MGAT5: variants seen among roughly 807,000 people sequenced by gnomAD.
The protein encoded by MGAT5 is alpha-1,6-mannosylglycoprotein 6-beta-N-acetylglucosaminyltransferase, also known as alpha-1,6-mannosylglycoprotein 6-beta-N-acetylglucosaminyltransferase A.
MGAT5 carries 30 observed loss-of-function variants against 94.3 expected under a neutral mutation model. The observed-to-expected ratio is 0.32, with a 90% CI of 0.24 to 0.43. The LOEUF is 0.43. Among genes scored for constraint, MGAT5 ranks in the 20% least tolerant of loss-of-function variants. The pLI is 1.00. For synonymous variants in MGAT5, 310 were observed against 322.9 expected (o/e 0.96, Z 0.43); for missense variants, 691 against 905.5 (o/e 0.76, Z 3.04).
chr2:134,169,387 T>TACACACAC (rs61268974), intron 1 of MGAT5, among the ~76,000 whole-genome samples: 1,718 of 138,700 alleles, frequency 0.012, 32 homozygotes, highest in African/African-American at 0.035. Context: ...AATTTAAAAA[T>TACACACAC]ACACACACAC....
chr2:134,334,358 A>T (rs1688203933), intron 4 of MGAT5, among the ~76,000 whole-genome samples: 1 of 151,950 alleles, frequency 6.6e-6, no homozygotes, highest in Non-Finnish European at 1.5e-5. Flanking sequence ...CTCTCCTCTT[A>T]GTTGATTTTC....
At chr2:134,392,006 C>G (rs891419369) in intron 10 of MGAT5, among the ~76,000 whole-genome samples, 1 of 152,138 alleles carries the variant, frequency 6.6e-6, no homozygotes, top group Non-Finnish European at 1.5e-5. Context: ...TTCTTATAGA[C>G]ACACCTCTCT....
At chr2:134,313,037 AACACAC>A (rs201311442) in intron 2 of MGAT5, among the ~76,000 whole-genome samples, 2,226 of 139,232 alleles carry the variant, frequency 0.016, 57 homozygotes, top group African/African-American at 0.054. Context: ...GCAAGAAATA[AACACAC>A]ACACACACAC....
intron 1 of MGAT5, among the ~76,000 whole-genome samples, chr2:134,141,583 T>G (rs1469471103): frequency 6.6e-6 from 1 of 152,060 alleles, no homozygotes; most frequent in African/African-American, 2.4e-5. Flanking sequence ...GCTTACAGCC[T>G]AATGAGGAAA....
In MGAT5 at chr2:134,346,467, T is replaced by TTTGTG. The variant is rs554426824; in HGVS notation, c.1112+1404_1112+1408dup. Among the ~76,000 whole-genome samples, 501 of 152,272 alleles carry TTTGTG rather than the reference T, an allele frequency of 3.3e-3. 7 individuals carry two copies. The highest frequency in any genetic ancestry group is 0.012 in the African/African-American group (482 of 41,564). ...CTGTTAGTGCTTTAGCTCTGCAGTC[T>TTTGTG]TTGTGGTATGGTGAAGCAAAGATTC... On this transcript the variant is annotated intron_variant, in intron 8 of 15. Coordinates refer to ENST00000281923, the MANE Select transcript of MGAT5 (RefSeq NM_002410.5).
intron 14 of MGAT5, among the ~76,000 whole-genome samples, chr2:134,435,811 T>C (rs558697722): frequency 3.3e-5 from 5 of 152,330 alleles, no homozygotes; most frequent in Admixed American, 1.3e-4. Context: ...TGAGTACTTA[T>C]GATAAGGAGA....
chr2:134,381,425 G>A (rs959954542), intron 10 of MGAT5, among the ~76,000 whole-genome samples: 6 of 146,496 alleles, frequency 4.1e-5, no homozygotes, highest in African/African-American at 1.5e-4. Flanking sequence ...TAGATAGATA[G>A]ATAGATAGCC....
chr2:134,121,078 C>G lies in MGAT5; in HGVS notation c.-143+787C>G, dbSNP rs1053671609. On this transcript the variant is annotated intron_variant, in intron 1 of 16. Transcript: ENST00000409645. ...CCCGGCCCACTCCCGGCCCTCAGCT[C>G]GCAAAGTTGGGGGCGGCGGGGCTAG... Among the ~76,000 whole-genome samples the G allele has an allele frequency of 5.3e-5, 8 of 152,234 alleles. No homozygotes were observed. The East Asian group carries it at 1.6e-3, about 30-fold the overall frequency.
chr2:134,253,126 A>G (rs1024492551), upstream of MGAT5: 2 of 152,236 alleles, frequency 1.3e-5, no homozygotes, highest in Non-Finnish European at 2.9e-5. Context: ...GCAGACCAAC[A>G]GTGATCCAGG....
At chr2:134,250,126 C>T (rs1055830207), upstream of MGAT5, among the ~76,000 whole-genome samples, 3 of 152,046 alleles carry the variant, frequency 2.0e-5, no homozygotes, top group Admixed American at 6.5e-5. Flanking sequence ...TGTGTTGAGG[C>T]GTCAGTGGGA....
chr2:134,301,830 C>T (rs982307844), intron 2 of MGAT5, among the ~76,000 whole-genome samples: 2 of 152,124 alleles, frequency 1.3e-5, no homozygotes, highest in Non-Finnish European at 2.9e-5. Flanking sequence ...CATGTCAGTT[C>T]GCTTTTGGTT....
chr2:134,144,857 C>A (rs551263070), intron 1 of MGAT5, among the ~76,000 whole-genome samples: 2 of 152,066 alleles, frequency 1.3e-5, no homozygotes, highest in East Asian at 3.9e-4. Flanking sequence ...ATGTGGGAAA[C>A]GGGCCTTATG....
intron 14 of MGAT5, among the ~76,000 whole-genome samples, chr2:134,440,462 T>C (rs1276763549): frequency 1.3e-5 from 2 of 152,146 alleles, no homozygotes; most frequent in Non-Finnish European, 2.9e-5. Flanking sequence ...AACTGGCGTG[T>C]CTACATGGTC....
chr2:134,398,667 C>T (rs1053277885), intron 10 of MGAT5, among the ~76,000 whole-genome samples: 2 of 152,064 alleles, frequency 1.3e-5, no homozygotes, highest in Admixed American at 1.3e-4. Context: ...AGCCAAGATA[C>T]GGAATTAGCT....
At chr2:134,307,141 T>C (rs1161014315) in intron 2 of MGAT5, among the ~76,000 whole-genome samples, 8 of 152,168 alleles carry the variant, frequency 5.3e-5, no homozygotes, top group African/African-American at 1.7e-4. Flanking sequence ...TTTTCATTAA[T>C]TTAATGAAAA....
chr2:134,362,258 A>G lies in MGAT5; in HGVS notation c.1247-17A>G, dbSNP rs1333158360. On this transcript the variant is annotated splice_polypyrimidine_tract_variant and intron_variant, in intron 9 of 15. Transcript: ENST00000281923. ...TGATTGGACACTAACTGTCCTCTCC[A>G]TTTCTTTGCACACCAGCTCATACCC... 5 of 1,611,422 alleles carry G rather than the reference A, an allele frequency of 3.1e-6. No individual in the cohort carries two copies. Among genetic ancestry groups the G allele is most frequent in the Non-Finnish European group, 3.4e-6 (4 of 1,178,822 alleles).
In MGAT5 at chr2:134,453,709, C is replaced by A. The variant is rs1686214510; in HGVS notation, c.*4862C>A. On this transcript the variant is annotated 3_prime_UTR_variant, in exon 16 of 16. Coordinates refer to ENST00000281923, the MANE Select transcript of MGAT5 (RefSeq NM_002410.5). ...CAAATTAAAGGTTATTCCCTGGCCGCCTCCTGGAGAAAACCAACCCCACCC... is the reference window on the plus strand; with the variant it reads ...CAAATTAAAGGTTATTCCCTGGCCGACTCCTGGAGAAAACCAACCCCACCC... The A allele has an allele frequency of 6.6e-6, 1 of 152,240 alleles. No individual in the cohort carries two copies. Among genetic ancestry groups the A allele is most frequent in the Non-Finnish European group, 1.5e-5 (1 of 68,090 alleles). 9.4% of individuals were successfully genotyped at this position (152,240 alleles called of 1,614,324 possible). A position where few individuals can be genotyped will look rare whatever the true frequency, so the allele number is the denominator to read the frequency against.
chr2:134,239,998 C>G (rs1289864906), intron 1 of MGAT5, among the ~76,000 whole-genome samples: 6 of 151,618 alleles, frequency 4.0e-5, no homozygotes, highest in Non-Finnish European at 8.8e-5. Flanking sequence ...GTGTGTCGAT[C>G]TAGTAAAATC....
At chr2:134,223,042 A>G (rs1680869037) in intron 1 of MGAT5, among the ~76,000 whole-genome samples, 1 of 152,180 alleles carries the variant, frequency 6.6e-6, no homozygotes, top group African/African-American at 2.4e-5. Context: ...AATTGGGAGT[A>G]TTATAACCAA....
Sources: allele counts gnomAD v4.1 joint callset (sites outside exome capture counted in the v4.1 genomes callset), GRCh38; gene constraint gnomAD v4.1.1; transcripts MANE v1.5; gene names NCBI Gene and HGNC (gene_info 2026-07-23, HGNC 2026-07-21).